Variants in DAB1 observed in about 807,000 individuals in gnomAD.
The protein encoded by DAB1 is DAB adaptor protein 1.
In DAB1, 15 loss-of-function variants were observed where a neutral mutation model predicts 64.6. The observed-to-expected ratio is 0.23, with a 90% CI of 0.16 to 0.36. The LOEUF (loss-of-function observed/expected upper bound fraction) is 0.36. DAB1 is among the 10% of genes least tolerant of loss of function. The probability of loss-of-function intolerance (pLI) is 1.00; values close to 1 mark genes in which losing one functional copy is unlikely to be tolerated. For synonymous variants in DAB1, 235 were observed against 251.9 expected (o/e 0.93, Z 0.64); for missense variants, 596 against 706.7 (o/e 0.84, Z 1.78).
chr1:57,422,302 G>C (rs1228803013), intron 1 of DAB1, among the ~76,000 whole-genome samples: 4 of 152,224 alleles, frequency 2.6e-5, no homozygotes, highest in African/African-American at 9.6e-5. Context: ...CGACGGCGCG[G>C]ATTCTCGCCC....
At chr1:57,896,067 G>C (rs144735145) in intron 5 of DAB1, among the ~76,000 whole-genome samples, 9 of 152,300 alleles carry the variant, frequency 5.9e-5, no homozygotes, top group Non-Finnish European at 1.2e-4. Flanking sequence ...GCCAAGGAAA[G>C]TGCCTGGCAC....
chr1:57,237,393 A>C (rs1668173322), intron 2 of DAB1, among the ~76,000 whole-genome samples: 2 of 152,208 alleles, frequency 1.3e-5, no homozygotes, highest in South Asian at 4.1e-4. Context: ...CCAGATAGGA[A>C]AATAAATTAT....
chr1:58,209,675 G>C (rs1266935693), intron 4 of DAB1, among the ~76,000 whole-genome samples: 2 of 152,138 alleles, frequency 1.3e-5, no homozygotes, highest in African/African-American at 4.8e-5. Flanking sequence ...CAAAGAAAAT[G>C]TCTGATCTAA....
chr1:57,513,912 T>A (rs1181255181), intron 7 of DAB1, among the ~76,000 whole-genome samples: 1 of 133,132 alleles, frequency 7.5e-6, no homozygotes, highest in Non-Finnish European at 1.5e-5. Flanking sequence ...AAGTTCCACT[T>A]TTTTTAGGTT....
At chr1:57,076,352 G>C (rs1651991080) in intron 4 of DAB1, among the ~76,000 whole-genome samples, 1 of 152,132 alleles carries the variant, frequency 6.6e-6, no homozygotes, top group Non-Finnish European at 1.5e-5. Context: ...ACTTAGTCTA[G>C]ATATTAAACT....
chr1:57,183,968 T>A (rs1475475848), intron 2 of DAB1, among the ~76,000 whole-genome samples: 2 of 152,054 alleles, frequency 1.3e-5, no homozygotes, highest in African/African-American at 2.4e-5. Context: ...AAGATTGATG[T>A]TGGGGAGGGG....
At chr1:58,115,755 G>A (rs1357932096) in intron 5 of DAB1, among the ~76,000 whole-genome samples, 28 of 105,004 alleles carry the variant, frequency 2.7e-4, no homozygotes, top group East Asian at 1.1e-3. Context: ...ACCAAACACC[G>A]CATATTCTCA....
In DAB1 at chr1:57,185,205, C is replaced by T. The variant is rs1256335447; in HGVS notation, c.68-39776G>A. ...CTTCTGCAATTCTGCACAGTCCCAT[C>T]ACCACTCCTACCCCTACCATGTTAG... On this transcript the variant is annotated intron_variant, in intron 2 of 14. Transcript: ENST00000371236. Among the ~76,000 whole-genome samples, 8 of 152,270 alleles carry T rather than the reference C, an allele frequency of 5.3e-5. No homozygotes were observed. In the South Asian group the frequency reaches 1.0e-3, roughly 20 times the overall value.
intron 7 of DAB1, among the ~76,000 whole-genome samples, chr1:57,069,631 G>T (rs1474936864): frequency 6.6e-6 from 1 of 152,170 alleles, no homozygotes; most frequent in African/African-American, 2.4e-5. Context: ...GAGGTCTGCT[G>T]GTCAGTATTT....
chr1:58,352,441 T>C (rs1644066795), intron 3 of DAB1, among the ~76,000 whole-genome samples: 1 of 152,298 alleles, frequency 6.6e-6, no homozygotes, highest in South Asian at 2.1e-4. Flanking sequence ...AGACTCTAAG[T>C]ACATAGCCAT....
At chr1:58,333,181 T>C (rs554998828) in intron 4 of DAB1, among the ~76,000 whole-genome samples, 1 of 152,212 alleles carries the variant, frequency 6.6e-6, no homozygotes, top group South Asian at 2.1e-4. Context: ...ATTGAAGCAG[T>C]CTCCTAGTCC....
intron 4 of DAB1, among the ~76,000 whole-genome samples, chr1:58,248,603 A>G (rs1233948634): frequency 1.3e-5 from 2 of 152,176 alleles, no homozygotes; most frequent in Non-Finnish European, 2.9e-5. Flanking sequence ...GAAGCTTAAA[A>G]TAGAGACAGA....
intron 5 of DAB1, among the ~76,000 whole-genome samples, chr1:58,141,130 G>A (rs933177332): frequency 3.9e-5 from 6 of 152,174 alleles, no homozygotes; most frequent in Non-Finnish European, 7.4e-5. Flanking sequence ...AAGAGCGAGA[G>A]AGAGAGAGTT....
At chr1:58,134,400 T>C (rs1281990073) in intron 5 of DAB1, among the ~76,000 whole-genome samples, 1 of 152,192 alleles carries the variant, frequency 6.6e-6, no homozygotes, top group Non-Finnish European at 1.5e-5. Flanking sequence ...CTAATCACAT[T>C]TCAAAGGCCC....
At chr1:58,189,990 C>G (rs1403580115) in intron 4 of DAB1, among the ~76,000 whole-genome samples, 1 of 152,164 alleles carries the variant, frequency 6.6e-6, no homozygotes, top group Non-Finnish European at 1.5e-5. Flanking sequence ...CCTCCTGATA[C>G]TTCTTGGGAC....
intron 3 of DAB1, among the ~76,000 whole-genome samples, chr1:58,424,653 A>T (rs1190090150): frequency 6.6e-6 from 1 of 152,210 alleles, no homozygotes; most frequent in Non-Finnish European, 1.5e-5. Flanking sequence ...AGGGAGCAAG[A>T]CTGGAGACAA....
intron 2 of DAB1, among the ~76,000 whole-genome samples, chr1:57,196,556 C>T (rs1461064068): frequency 6.6e-6 from 1 of 152,168 alleles, no homozygotes; most frequent in African/African-American, 2.4e-5. Context: ...AATTCTTGGT[C>T]TTAGCCCAAC....
rs570562387 is a variant in DAB1, at chr1:57,688,398, TA to T, written n.552-38734del. Among the ~76,000 whole-genome samples, 16 of 152,212 alleles carry T rather than the reference TA, an allele frequency of 1.1e-4. No individual in the cohort carries two copies. In the South Asian group the frequency reaches 3.3e-3, roughly 32 times the overall value. On this transcript the variant is annotated intron_variant and non_coding_transcript_variant, in intron 6 of 20. Coordinates refer to the DAB1 transcript ENST00000485760. ...TGACACCAGTCAGAATGGCTATTAT[TA>T]AAAAGTCAAATAATAACAGATGCTG...
chr1:58,105,331 A>G (rs1335838172), intron 5 of DAB1, among the ~76,000 whole-genome samples: 1 of 152,234 alleles, frequency 6.6e-6, no homozygotes, highest in Non-Finnish European at 1.5e-5. Context: ...GGCACCCATT[A>G]GAAGGACCTT....
Sources: allele counts gnomAD v4.1 joint callset (sites outside exome capture counted in the v4.1 genomes callset), GRCh38; gene constraint gnomAD v4.1.1; transcripts MANE v1.5; gene names NCBI Gene and HGNC (gene_info 2026-07-23, HGNC 2026-07-21).